The following NREP variants were observed in gnomAD, a reference collection of about 807,000 sequenced individuals.
NREP encodes neuronal regeneration-related protein.
A neutral mutation model predicts 8.6 loss-of-function variants in NREP; 5 were observed. That is an observed-to-expected ratio of 0.58 (90% CI 0.30 to 1.22). The LOEUF is 1.22. NREP is among the 50% of genes most tolerant of loss of function. The probability of loss-of-function intolerance (pLI) is 0.07; values close to 1 mark genes in which losing one functional copy is unlikely to be tolerated. For missense variants in NREP, 86 were observed against 82.5 expected (o/e 1.04, Z -0.17); for synonymous variants, 27 against 28.0 (o/e 0.96, Z 0.11).
chr5:111,975,385 A>T, intron 1 of NREP: 1 of 1,549,926 alleles, frequency 6.5e-7, no homozygotes, highest in African/African-American at 1.4e-5. Context: ...GGCTCTGCAG[A>T]CAAGACACAT....
At chr5:111,738,455 T>G (rs1749351040) in intron 2 of NREP, 2 of 152,224 alleles carry the variant, frequency 1.3e-5, no homozygotes, top group Non-Finnish European at 2.9e-5. Flanking sequence ...CCTCTTCTTC[T>G]CATCGGAACA....
At chr5:111,781,118 G>C (rs1410792302) in intron 2 of NREP, among the ~76,000 whole-genome samples, 1 of 152,004 alleles carries the variant, frequency 6.6e-6, no homozygotes, top group Non-Finnish European at 1.5e-5. Context: ...GTACTCATTG[G>C]TTACTTTTCC....
intron 2 of NREP, among the ~76,000 whole-genome samples, chr5:111,833,123 A>G (rs1752813753): frequency 1.3e-5 from 2 of 152,210 alleles, no homozygotes; most frequent in African/African-American, 4.8e-5. Flanking sequence ...AGGTGTTCAT[A>G]AAAGACCTGA....
At chr5:111,907,375 A>G (rs1159386008) in intron 2 of NREP, among the ~76,000 whole-genome samples, 2 of 152,112 alleles carry the variant, frequency 1.3e-5, no homozygotes, top group South Asian at 2.1e-4. Context: ...CTGTAAGGAC[A>G]ATGTCTAGAT....
chr5:111,955,860 A>G (rs529381239), intron 2 of NREP, among the ~76,000 whole-genome samples: 128 of 151,378 alleles, frequency 8.5e-4, no homozygotes, highest in Non-Finnish European at 1.6e-3. Flanking sequence ...ACACTAACAT[A>G]AGGGATGAGA....
intron 2 of NREP, among the ~76,000 whole-genome samples, chr5:111,877,105 T>G (rs1393798608): frequency 6.6e-6 from 1 of 152,206 alleles, no homozygotes; most frequent in Admixed American, 6.5e-5. Flanking sequence ...GTTACCGGTA[T>G]AACAAACCTA....
intron 2 of NREP, among the ~76,000 whole-genome samples, chr5:111,943,424 G>A (rs907415770): frequency 6.6e-6 from 1 of 151,978 alleles, no homozygotes; most frequent in Non-Finnish European, 1.5e-5. Flanking sequence ...CCTGGGTGGT[G>A]AAGAGTCCAT....
At chr5:111,878,977 C>T (rs1302020307) in intron 2 of NREP, among the ~76,000 whole-genome samples, 1 of 152,226 alleles carries the variant, frequency 6.6e-6, no homozygotes, top group African/African-American at 2.4e-5. Flanking sequence ...CTCCAAGTCT[C>T]ATGTTGAAAT....
At chr5:111,906,963 T>G (rs183125436) in intron 2 of NREP, among the ~76,000 whole-genome samples, 2 of 152,040 alleles carry the variant, frequency 1.3e-5, no homozygotes, top group African/African-American at 2.4e-5. Context: ...GAGACAGAGT[T>G]TCGTGTTGTT....
At chr5:111,796,877 A>G (rs1203104813) in intron 2 of NREP, among the ~76,000 whole-genome samples, 1 of 152,202 alleles carries the variant, frequency 6.6e-6, no homozygotes, top group Admixed American at 6.5e-5. Flanking sequence ...AAACAAATGA[A>G]CAAATGCAAA....
chr5:111,874,305 T>A (rs1451217880), intron 2 of NREP, among the ~76,000 whole-genome samples: 2 of 152,140 alleles, frequency 1.3e-5, no homozygotes, highest in Admixed American at 6.5e-5. Context: ...AAGAACTCAA[T>A]CTGGAAAAAA....
chr5:111,754,384 T>C (rs12332415), intron 2 of NREP, among the ~76,000 whole-genome samples: 1,560 of 152,308 alleles, frequency 0.01, 34 homozygotes, highest in African/African-American at 0.036. Flanking sequence ...ACTGGTCACC[T>C]GACATATTGC....
At chr5:111,770,161 T>G (rs1751183463) in intron 2 of NREP, among the ~76,000 whole-genome samples, 1 of 152,318 alleles carries the variant, frequency 6.6e-6, no homozygotes, top group Admixed American at 6.5e-5. Context: ...TCACCAGACT[T>G]CAGGAATATT....
At chr5:111,945,658 T>C (rs192502135) in intron 2 of NREP, among the ~76,000 whole-genome samples, 10 of 152,108 alleles carry the variant, frequency 6.6e-5, no homozygotes, top group African/African-American at 2.4e-4. Flanking sequence ...ATGAAATTGT[T>C]GACACAGAGA....
chr5:111,938,416 G>A (rs369754249), intron 2 of NREP, among the ~76,000 whole-genome samples: 2 of 152,050 alleles, frequency 1.3e-5, no homozygotes, highest in Admixed American at 1.3e-4. Flanking sequence ...TTCATGATAA[G>A]AGTATGCTCC....
chr5:111,735,154 G>C, intron 3 of NREP: 1 of 344,438 alleles, frequency 2.9e-6, no homozygotes, highest in Non-Finnish European at 5.3e-6. Context: ...ACCAGAAATG[G>C]AACAGACTTA....
chr5:111,762,072 G>A (rs1750972552), upstream of NREP, among the ~76,000 whole-genome samples: 1 of 152,114 alleles, frequency 6.6e-6, no homozygotes, highest in Admixed American at 6.5e-5. Context: ...GAGTAAATAT[G>A]AATGGCCCAA....
At chr5:111,772,515 C>T (rs534429129) in intron 2 of NREP, among the ~76,000 whole-genome samples, 4 of 152,108 alleles carry the variant, frequency 2.6e-5, no homozygotes, top group African/African-American at 9.6e-5. Context: ...CTGCAATCAG[C>T]AAGTCATGGT....
At chr5:111,854,400 C>G (rs1753380199) in intron 2 of NREP, among the ~76,000 whole-genome samples, 2 of 152,182 alleles carry the variant, frequency 1.3e-5, no homozygotes, top group African/African-American at 4.8e-5. Flanking sequence ...AGTTGACAAG[C>G]TCATAGTGAG....
Sources: allele counts gnomAD v4.1 joint callset (sites outside exome capture counted in the v4.1 genomes callset), GRCh38; gene constraint gnomAD v4.1.1; transcripts MANE v1.5; gene names NCBI Gene and HGNC (gene_info 2026-07-23, HGNC 2026-07-21).